ITSN1: variants seen among roughly 807,000 people sequenced by gnomAD.
The protein encoded by ITSN1 is intersectin-1.
In ITSN1, 58 loss-of-function variants were observed where a neutral mutation model predicts 239.8. That is an observed-to-expected ratio of 0.24 (90% CI 0.20 to 0.30). The LOEUF is 0.30. ITSN1 is among the 10% of genes least tolerant of loss of function. The pLI is 1.00. For synonymous variants in ITSN1, 780 were observed against 770.8 expected, an observed-to-expected ratio of 1.01 and a Z score of -0.20; for missense variants, 1,558 against 2,103.3, an observed-to-expected ratio of 0.74 and a Z score of 5.07.
chr21:33,804,847 T>C (rs781182901), intron 20 of ITSN1, among the ~76,000 whole-genome samples: 1 of 152,166 alleles, frequency 6.6e-6, no homozygotes, highest in Non-Finnish European at 1.5e-5. Context: ...TAATAGCTGA[T>C]GAACTTCAAA....
intron 16 of ITSN1, among the ~76,000 whole-genome samples, chr21:33,785,838 T>A (rs1232335735): frequency 2.0e-5 from 3 of 152,198 alleles, no homozygotes; most frequent in Non-Finnish European, 2.9e-5. Context: ...TTAATAGATA[T>A]TTACCTTTTA....
At chr21:33,688,747 T>C (rs540050834) in intron 1 of ITSN1, among the ~76,000 whole-genome samples, 2 of 151,950 alleles carry the variant, frequency 1.3e-5, no homozygotes, top group South Asian at 4.2e-4. Context: ...AGAGGGAGCT[T>C]GGGCAGTGTT....
Position 33,874,797 on chromosome 21 carries a change from C to T in ITSN1, c.4174-557C>T, listed in dbSNP as rs553770092. ...CCGAGTAGCTGGGACGACAGGCATGCGCCACCACGCCCAGCTAATTTTTGT... is the reference window on the plus strand; with the variant it reads ...CCGAGTAGCTGGGACGACAGGCATGTGCCACCACGCCCAGCTAATTTTTGT... On this transcript the variant is annotated intron_variant, in intron 33 of 39. Coordinates refer to ENST00000381318, the MANE Select transcript of ITSN1 (RefSeq NM_003024.3). Among the ~76,000 whole-genome samples, 56 of 151,988 alleles carry T rather than the reference C, an allele frequency of 3.7e-4. No individual in the cohort carries two copies. The South Asian group carries it at 9.8e-3, about 27-fold the overall frequency.
rs1986196204 is a variant in ITSN1 at position 33,889,332 on chromosome 21, T to C, written c.*1032T>C. 1 of 151,778 alleles carries C rather than the reference T, an allele frequency of 6.6e-6. No homozygotes were observed. Among genetic ancestry groups the C allele is most frequent in the Admixed American group, 6.6e-5 (1 of 15,226 alleles). The allele number at this position is 151,778 out of a possible 1,614,324, so 9.4% of individuals were successfully genotyped here. A position where few individuals can be genotyped will look rare whatever the true frequency, so the allele number is the denominator to read the frequency against. On this transcript the variant is annotated 3_prime_UTR_variant, in exon 40 of 40. Transcript: ENST00000381318. ...AAAAGGAAAAATATCAAGCTGGAGG[T>C]TGGGAAAGAAAATGAAGGCAGTCCA...
intron 9 of ITSN1, among the ~76,000 whole-genome samples, chr21:33,765,640 T>C (rs1363444307): frequency 6.6e-6 from 1 of 152,046 alleles, no homozygotes; most frequent in Non-Finnish European, 1.5e-5. Flanking sequence ...TATGCAAAGG[T>C]TGGGGAAGAG....
intron 1 of ITSN1, among the ~76,000 whole-genome samples, chr21:33,701,367 T>A (rs2092003099): frequency 6.6e-6 from 1 of 152,094 alleles, no homozygotes; most frequent in Non-Finnish European, 1.5e-5. Flanking sequence ...TCAAGTGATC[T>A]CCCTGCTTCG....
intron 1 of ITSN1, among the ~76,000 whole-genome samples, chr21:33,659,892 A>AC (rs1394050768): frequency 1.3e-5 from 2 of 151,556 alleles, no homozygotes; most frequent in East Asian, 3.9e-4. Flanking sequence ...GCTAATTTAA[A>AC]AAAAAATTTT....
At chr21:33,827,594 T>C (rs2074044684) in intron 26 of ITSN1, among the ~76,000 whole-genome samples, 1 of 152,128 alleles carries the variant, frequency 6.6e-6, no homozygotes, top group Admixed American at 6.5e-5. Flanking sequence ...GATTAGAGTG[T>C]AGGTCCCATT....
At chr21:33,808,312 CGGT>C (rs1007536594) in intron 20 of ITSN1, among the ~76,000 whole-genome samples, 3 of 152,070 alleles carry the variant, frequency 2.0e-5, no homozygotes, top group African/African-American at 7.2e-5. Context: ...TGGCCTGGCA[CGGT>C]GGCTCACGCC....
At chr21:33,826,403 C>T (rs1216419090) in intron 25 of ITSN1, among the ~76,000 whole-genome samples, 2 of 152,102 alleles carry the variant, frequency 1.3e-5, no homozygotes, top group Non-Finnish European at 2.9e-5. Flanking sequence ...GTAGTAGGCT[C>T]GTGAGTTATA....
Position 33,765,925 on chromosome 21 carries a change from T to C in ITSN1, c.839T>C (p.Ile280Thr), listed in dbSNP as rs1436084537. The C allele has an allele frequency of 3.1e-6, 5 of 1,614,182 alleles. No homozygotes were observed. Among genetic ancestry groups the C allele is most frequent in the Admixed American group, 1.7e-5 (1 of 60,030 alleles). The part of the protein sequence containing the change: ...QDGKLTAEEF[I>T]LAMHLIDVAM... The stretch of plus-strand genomic sequence containing the variant: ...GGAAAACTTACAGCAGAGGAATTTA[T>C]CCTGGCAATGCACCTCATTGATGTA... Residue 280 changes from isoleucine (I) to threonine (T), a missense_variant, in exon 10 of 40, where the codon ATC becomes ACC. Ile to Thr is a moderately conservative substitution (Grantham distance 89). This residue lies in a region of ITSN1 where 982 missense variants were observed against 1,209.9 expected (regional missense o/e 0.81). Coordinates refer to ENST00000381318, the MANE Select transcript of ITSN1 (RefSeq NM_003024.3).
At chr21:33,702,805 C>T (rs1195508096) in intron 1 of ITSN1, among the ~76,000 whole-genome samples, 4 of 152,128 alleles carry the variant, frequency 2.6e-5, no homozygotes, top group African/African-American at 9.7e-5. Context: ...TAGCCAGGCA[C>T]GGTGGCTCAC....
rs867257851 is a variant in ITSN1 at position 33,818,606 on chromosome 21, A to T, written c.2933+134A>T. 9 of 747,172 alleles carry T rather than the reference A, an allele frequency of 1.2e-5. No individual in the cohort carries two copies. In the African/African-American group the frequency reaches 1.2e-4, roughly 10 times the overall value. The allele number at this position is 747,172 out of a possible 1,614,324, so 46.3% of individuals were successfully genotyped here. On this transcript the variant is annotated intron_variant, in intron 23 of 39. Transcript: ENST00000381318. ...TCTAGATCTTTTAACTGCAAAAGTT[A>T]TAGTATATAGAGTACCAAAAGGGAG...
intron 1 of ITSN1, among the ~76,000 whole-genome samples, chr21:33,704,425 C>G (rs2092155798): frequency 6.6e-6 from 1 of 152,166 alleles, no homozygotes; most frequent in Non-Finnish European, 1.5e-5. Flanking sequence ...TACTTTGTGC[C>G]TCTTTGGTGA....
intron 5 of ITSN1, among the ~76,000 whole-genome samples, chr21:33,737,906 G>C (rs2066602568): frequency 6.6e-6 from 1 of 152,140 alleles, no homozygotes; most frequent in Admixed American, 6.5e-5. Context: ...TTATTGGTTA[G>C]GTGTGGTGGC....
intron 12 of ITSN1, 66 bp downstream of exon 12, chr21:33,772,389 G>GTGATC: frequency 6.6e-7 from 1 of 1,519,596 alleles, no homozygotes; most frequent in South Asian, 1.2e-5. Flanking sequence ...AATTATCCAA[G>GTGATC]TGATCTATTC....
chr21:33,793,028 T>A (rs1032447915), intron 16 of ITSN1, among the ~76,000 whole-genome samples: 3 of 152,170 alleles, frequency 2.0e-5, no homozygotes, highest in Non-Finnish European at 4.4e-5. Flanking sequence ...TTTATCTCAT[T>A]GTTCTTTTAA....
intron 16 of ITSN1, among the ~76,000 whole-genome samples, chr21:33,791,649 C>A (rs939032266): frequency 2.0e-5 from 3 of 152,018 alleles, no homozygotes; most frequent in Non-Finnish European, 4.4e-5. Flanking sequence ...TCTATAAATC[C>A]ATATCCAGTT....
intron 5 of ITSN1, among the ~76,000 whole-genome samples, chr21:33,738,364 C>G (rs970399891): frequency 1.3e-5 from 2 of 151,926 alleles, no homozygotes; most frequent in Non-Finnish European, 2.9e-5. Flanking sequence ...TTGCTTAAGG[C>G]CATATTTCTA....
Sources: allele counts gnomAD v4.1 joint callset (sites outside exome capture counted in the v4.1 genomes callset), GRCh38; gene constraint gnomAD v4.1.1; regional missense constraint gnomAD v4.1.1; transcripts MANE v1.5; gene names NCBI Gene and HGNC (gene_info 2026-07-23, HGNC 2026-07-21).